The following NRXN3 variants were observed in gnomAD, a reference collection of about 807,000 sequenced individuals.
NRXN3 encodes the protein neurexin III.
NRXN3 carries 32 observed loss-of-function variants against 137.6 expected under a neutral mutation model. That is an observed-to-expected ratio of 0.23 (90% CI 0.18 to 0.31). The LOEUF (loss-of-function observed/expected upper bound fraction) is 0.31, where lower values mean the gene tolerates loss of function less well. NRXN3 is among the 10% of genes least tolerant of loss of function. The pLI is 1.00. For synonymous variants in NRXN3, 798 were observed against 784.5 expected, an observed-to-expected ratio of 1.02 and a Z score of -0.29; for missense variants, 1,574 against 2,062.5, an observed-to-expected ratio of 0.76 and a Z score of 4.59.
chr14:79,782,323 A>G (rs767405025), intron 19 of NRXN3, among the ~76,000 whole-genome samples: 2 of 152,168 alleles, frequency 1.3e-5, no homozygotes, highest in Non-Finnish European at 2.9e-5. Flanking sequence ...AAAATGGTAG[A>G]TGCAAACCAA....
At chr14:79,508,390 A>AATTTTTTTTTTTTTTTTTTTTTT (rs2096898176) in intron 16 of NRXN3, among the ~76,000 whole-genome samples, 1 of 48,240 alleles carries the variant, frequency 2.1e-5, no homozygotes, top group African/African-American at 7.3e-5. Flanking sequence ...ACAATAACTG[A>AATTTTTTTTTTTTTTTTTTTTTT]TTTTTTTTTT....
chr14:79,764,429 A>T (rs750382092), intron 19 of NRXN3, among the ~76,000 whole-genome samples: 1 of 152,164 alleles, frequency 6.6e-6, no homozygotes. Context: ...TGCATTGTAA[A>T]TATTAGCTCA....
intron 20 of NRXN3, among the ~76,000 whole-genome samples, chr14:79,834,285 G>T (rs1045419395): frequency 6.8e-5 from 2 of 29,518 alleles, no homozygotes; most frequent in African/African-American, 2.2e-4. Flanking sequence ...TCCACCTGGA[G>T]CCTATTCTTT....
At chr14:78,353,131 A>G (rs1339256469) in intron 4 of NRXN3, among the ~76,000 whole-genome samples, 3 of 152,178 alleles carry the variant, frequency 2.0e-5, no homozygotes, top group Non-Finnish European at 2.9e-5. Context: ...TAGATGAGGA[A>G]ACCGGACTGG....
chr14:78,638,477 G>T (rs72683568), intron 4 of NRXN3, among the ~76,000 whole-genome samples: 1 of 152,164 alleles, frequency 6.6e-6, no homozygotes. Flanking sequence ...AGAGCCAAGA[G>T]TGCAGTTCAC....
At position 79,377,702 on chromosome 14, in the gene NRXN3, G is replaced by A. The variant is rs1451005855; in HGVS notation, c.3263-89519G>A. ...ACCCAGGAGGCAGAGGTTGCAGTGA[G>A]CCAAGATAGTGCCACCGCACTCCAG... On this transcript the variant is annotated intron_variant, in intron 15 of 20. Coordinates refer to ENST00000335750, the MANE Select transcript of NRXN3 (RefSeq NM_001330195.2). 2.0e-5 allele frequency among the ~76,000 whole-genome samples: 3 copies of A among 152,194 alleles called. No individual in the cohort carries two copies. In the South Asian group the frequency reaches 6.2e-4, roughly 32 times the overall value.
At chr14:78,338,102 G>C (rs930531332) in intron 4 of NRXN3, among the ~76,000 whole-genome samples, 6 of 152,108 alleles carry the variant, frequency 3.9e-5, no homozygotes, top group African/African-American at 4.8e-5. Context: ...TGTCCTCAAA[G>C]ACTAAATTAT....
At chr14:78,182,971 C>T (rs747438271) in intron 1 of NRXN3, among the ~76,000 whole-genome samples, 7 of 152,130 alleles carry the variant, frequency 4.6e-5, no homozygotes, top group South Asian at 4.1e-4. Context: ...AGTTCCCAGG[C>T]GGCGGACATC....
chr14:79,081,737 T>G (rs928892967), intron 15 of NRXN3, among the ~76,000 whole-genome samples: 3 of 152,190 alleles, frequency 2.0e-5, no homozygotes, highest in African/African-American at 7.2e-5. Flanking sequence ...ATGAGCAATG[T>G]TCTATGGCAG....
chr14:79,294,543 T>G (rs550602163), intron 15 of NRXN3, among the ~76,000 whole-genome samples: 2 of 152,160 alleles, frequency 1.3e-5, no homozygotes, highest in African/African-American at 2.4e-5. Flanking sequence ...TTTTTTAAGC[T>G]GATGTAATCA....
intron 6 of NRXN3, among the ~76,000 whole-genome samples, chr14:78,657,004 A>T (rs10141382): frequency 7.6e-6 from 1 of 131,536 alleles, no homozygotes; most frequent in South Asian, 2.6e-4. Flanking sequence ...CCGAGATCGC[A>T]CCACTGCACT....
chr14:78,820,183 G>A lies in NRXN3; in HGVS notation c.2275+9839G>A, dbSNP rs939881935. On this transcript the variant is annotated intron_variant, in intron 10 of 20. Coordinates refer to ENST00000335750, the MANE Select transcript of NRXN3 (RefSeq NM_001330195.2). The stretch of plus-strand genomic sequence containing the variant: ...TAACAAGATAAATGTATTAATGGAT[G>A]TATTTCCCTTTCATTATGCCTAATA... Among the ~76,000 whole-genome samples the A allele has an allele frequency of 2.2e-4, 33 of 150,830 alleles. 1 individual carries two copies. The highest frequency in any genetic ancestry group is 8.0e-4 in the African/African-American group (33 of 41,200).
At chr14:79,548,754 A>C (rs977607145) in intron 16 of NRXN3, among the ~76,000 whole-genome samples, 4 of 151,550 alleles carry the variant, frequency 2.6e-5, no homozygotes, top group Admixed American at 2.6e-4. Flanking sequence ...GATTAAAAAA[A>C]AAAAAAACAA....
At chr14:78,856,063 C>T (rs1030739074) in intron 10 of NRXN3, among the ~76,000 whole-genome samples, 34 of 152,254 alleles carry the variant, frequency 2.2e-4, no homozygotes, top group African/African-American at 7.9e-4. Context: ...TTCTTAGTTC[C>T]ACCATGTTGC....
chr14:79,802,541 C>T (rs1409266385), intron 19 of NRXN3, among the ~76,000 whole-genome samples: 1 of 152,162 alleles, frequency 6.6e-6, no homozygotes, highest in Non-Finnish European at 1.5e-5. Flanking sequence ...CAGCCCAAAC[C>T]AAACTTTCCT....
At chr14:79,439,519 T>G (rs17109214) in intron 15 of NRXN3, among the ~76,000 whole-genome samples, 2,803 of 152,244 alleles carry the variant, frequency 0.018, 62 homozygotes, top group East Asian at 0.093. Flanking sequence ...GAGCTAAGTA[T>G]TATTTTCAGA....
At chr14:78,473,622 C>G (rs1411893214) in intron 4 of NRXN3, among the ~76,000 whole-genome samples, 1 of 151,896 alleles carries the variant, frequency 6.6e-6, no homozygotes, top group Non-Finnish European at 1.5e-5. Flanking sequence ...TGGCTTTAGA[C>G]AATAATAAAC....
Position 79,594,021 on chromosome 14 carries a change from AATC to A in NRXN3, c.3445-69751_3445-69749del, listed in dbSNP as rs2097837889. Among the ~76,000 whole-genome samples, 3 of 152,320 alleles carry A rather than the reference AATC, an allele frequency of 2.0e-5. No individual in the cohort carries two copies. The South Asian group carries it at 6.2e-4, about 32-fold the overall frequency. On this transcript the variant is annotated intron_variant, in intron 16 of 20. Transcript: ENST00000335750. ...AATCCTTTTTTTGAAAAAAAGCTTGAATCATCATGTAAATGTTTTAGGGCAACT... is the reference window on the plus strand; with the variant it reads ...AATCCTTTTTTTGAAAAAAAGCTTGAATCATGTAAATGTTTTAGGGCAACT...
intron 10 of NRXN3, among the ~76,000 whole-genome samples, chr14:78,897,086 A>G (rs1187962428): frequency 3.3e-5 from 5 of 151,930 alleles, no homozygotes; most frequent in African/African-American, 1.2e-4. Flanking sequence ...GCAGCATTGA[A>G]TAGTGGTGAC....
Sources: allele counts gnomAD v4.1 joint callset (sites outside exome capture counted in the v4.1 genomes callset), GRCh38; gene constraint gnomAD v4.1.1; transcripts MANE v1.5; gene names NCBI Gene and HGNC (gene_info 2026-07-23, HGNC 2026-07-21).